PPIP5K2: variants seen among roughly 807,000 people sequenced by gnomAD.
The protein encoded by PPIP5K2 is diphosphoinositol pentakisphosphate kinase 2, also known as inositol hexakisphosphate and diphosphoinositol-pentakisphosphate kinase 2.
PPIP5K2 carries 105 observed loss-of-function variants against 154.6 expected under a neutral mutation model. The ratio of observed to expected loss-of-function variants is 0.68; its 90% CI spans 0.58 to 0.80. The LOEUF is 0.80. Among genes scored for constraint, PPIP5K2 ranks in the 30% least tolerant of loss-of-function variants. The pLI is 0.00. For synonymous variants in PPIP5K2, 480 were observed against 490.3 expected, an observed-to-expected ratio of 0.98 and a Z score of 0.28; for missense variants, 992 against 1,504.6, an observed-to-expected ratio of 0.66 and a Z score of 5.64.
At chr5:103,141,159 C>T (rs1376099194) in intron 5 of PPIP5K2, among the ~76,000 whole-genome samples, 1 of 152,128 alleles carries the variant, frequency 6.6e-6, no homozygotes, top group East Asian at 1.9e-4. Context: ...TGGTGAAACC[C>T]CGTCTTGTGT....
intron 30 of PPIP5K2, 109 bp downstream of exon 30, chr5:103,195,134 A>G: frequency 7.4e-7 from 1 of 1,359,302 alleles, no homozygotes; most frequent in South Asian, 1.5e-5. Context: ...GCACTTCCCT[A>G]GAGCGTAATG....
Position 103,202,140 on chromosome 5 carries a change from C to G in PPIP5K2, c.*506C>G, listed in dbSNP as rs1439295749. ...CCCAATTGTTACAGTGACATATATG[C>G]TGCAATATTTAACAACTGGAGTATT... On this transcript the variant is annotated 3_prime_UTR_variant, in exon 31 of 31. Transcript: ENST00000358359. 2 of 152,672 alleles carry G rather than the reference C, an allele frequency of 1.3e-5. No homozygotes were observed. The highest frequency in any genetic ancestry group is 2.9e-5 in the Non-Finnish European group (2 of 68,094). 9.5% of individuals were successfully genotyped at this position (152,672 alleles called of 1,614,324 possible).
chr5:103,132,688 G>A, intron 2 of PPIP5K2, among the ~76,000 whole-genome samples: 1 of 152,140 alleles, frequency 6.6e-6, no homozygotes, highest in East Asian at 1.9e-4. Flanking sequence ...AAGAAAAATT[G>A]AAATGAGAAC....
At chr5:103,195,125 C>A in intron 30 of PPIP5K2, 100 bp downstream of exon 30, 1 of 1,430,368 alleles carries the variant, frequency 7.0e-7, no homozygotes, top group Non-Finnish European at 9.6e-7. Context: ...AGTATCTTTG[C>A]ACTTCCCTAG....
intron 5 of PPIP5K2, 123 bp downstream of exon 5, chr5:103,138,592 ATAATC>A: frequency 1.9e-6 from 1 of 530,832 alleles, no homozygotes; most frequent in Admixed American, 3.9e-5. Flanking sequence ...ATTTTAAAAA[ATAATC>A]TAAACAGACA....
In PPIP5K2 at chr5:103,203,346, T is replaced by C. The variant is rs1185285308; in HGVS notation, c.*1712T>C. The C allele has an allele frequency of 1.3e-5, 2 of 152,190 alleles. No homozygotes were observed. The highest frequency in any genetic ancestry group is 2.9e-5 in the Non-Finnish European group (2 of 68,024). 9.4% of individuals were successfully genotyped at this position (152,190 alleles called of 1,614,324 possible). ...TTATTATTGGCTATATACATAGCAA[T>C]ATATTACTTTCCAAACTAGAAAGTA... On this transcript the variant is annotated 3_prime_UTR_variant, in exon 31 of 31. Transcript: ENST00000358359.
Position 103,204,701 on chromosome 5 carries a change from A to G in PPIP5K2, c.*3067A>G, listed in dbSNP as rs1803407011. The G allele has an allele frequency of 6.6e-6, 1 of 152,160 alleles. No homozygotes were observed. The highest frequency in any genetic ancestry group is 2.4e-5 in the African/African-American group (1 of 41,434). 9.4% of individuals were successfully genotyped at this position (152,160 alleles called of 1,614,324 possible). ...TTTCCCTCTGTACATAATCGTAGGTACCAAAATATTACTGTGTAAAGTGTT... is the reference window on the plus strand; with the variant it reads ...TTTCCCTCTGTACATAATCGTAGGTGCCAAAATATTACTGTGTAAAGTGTT... On this transcript the variant is annotated 3_prime_UTR_variant, in exon 31 of 31. Coordinates refer to ENST00000358359, the MANE Select transcript of PPIP5K2 (RefSeq NM_001276277.3).
In PPIP5K2 at chr5:103,205,935, G is replaced by A. The variant is rs1356943913; in HGVS notation, c.*4301G>A. 6.6e-6 allele frequency: 1 copy of A among 152,046 alleles called. No homozygotes were observed. Among genetic ancestry groups the A allele is most frequent in the Non-Finnish European group, 1.5e-5 (1 of 68,004 alleles). 9.4% of individuals were successfully genotyped at this position (152,046 alleles called of 1,614,324 possible). A position where few individuals can be genotyped will look rare whatever the true frequency, so the allele number is the denominator to read the frequency against. On this transcript the variant is annotated 3_prime_UTR_variant, in exon 31 of 31. Coordinates refer to ENST00000358359, the MANE Select transcript of PPIP5K2 (RefSeq NM_001276277.3). ...ACTTTGTTTTAGGTTATTTAATATA[G>A]TATATATTGGGTTTTGCTTTGTGAT...
At chr5:103,127,261 G>T (rs183572309) in intron 1 of PPIP5K2, among the ~76,000 whole-genome samples, 65 of 152,208 alleles carry the variant, frequency 4.3e-4, no homozygotes, top group Non-Finnish European at 5.6e-4. Context: ...CCTATATATT[G>T]CATTGACATA....
chr5:103,202,119 A>T lies in PPIP5K2; in HGVS notation c.*485A>T, dbSNP rs1473158504. 1.3e-5 allele frequency: 2 copies of T among 152,992 alleles called. No homozygotes were observed. Among genetic ancestry groups the T allele is most frequent in the Non-Finnish European group, 2.9e-5 (2 of 68,320 alleles). 9.5% of individuals were successfully genotyped at this position (152,992 alleles called of 1,614,324 possible). A position where few individuals can be genotyped will look rare whatever the true frequency, so the allele number is the denominator to read the frequency against. The stretch of plus-strand genomic sequence containing the variant: ...CGTTTAGATTAGAATATCTTTCCCA[A>T]TTGTTACAGTGACATATATGCTGCA... On this transcript the variant is annotated 3_prime_UTR_variant, in exon 31 of 31. Coordinates refer to ENST00000358359, the MANE Select transcript of PPIP5K2 (RefSeq NM_001276277.3).
In PPIP5K2 at chr5:103,129,313, G is replaced by T. The variant is rs1214797507; in HGVS notation, c.-277G>T. The T allele has an allele frequency of 9.9e-6, 2 of 201,426 alleles. No individual in the cohort carries two copies. Among genetic ancestry groups the T allele is most frequent in the African/African-American group, 4.6e-5 (2 of 43,268 alleles). The allele number at this position is 201,426 out of a possible 1,614,324, so 12.5% of individuals were successfully genotyped here. A position where few individuals can be genotyped will look rare whatever the true frequency, so the allele number is the denominator to read the frequency against. ...TTTTTCATTGCATTTTAGGTAAGAA[G>T]ATTGCTGTATCAACTCAAGAAAGCA... is the stretch of plus-strand genomic sequence containing the variant. On this transcript the variant is annotated 5_prime_UTR_variant, in exon 2 of 31. Coordinates refer to ENST00000358359, the MANE Select transcript of PPIP5K2 (RefSeq NM_001276277.3).
intron 19 of PPIP5K2, among the ~76,000 whole-genome samples, chr5:103,171,492 T>A (rs1797981321): frequency 6.6e-6 from 1 of 151,586 alleles, no homozygotes. Context: ...TTTTAATCAG[T>A]TCTATTTGTG....
chr5:103,124,278 C>CAA (rs71226931), intron 1 of PPIP5K2, among the ~76,000 whole-genome samples: 11,902 of 126,728 alleles, frequency 0.094, 933 homozygotes, highest in African/African-American at 0.21. Context: ...GACTCCATCT[C>CAA]AAAAAAAAAA....
chr5:103,139,151 A>G (rs1332507192), intron 5 of PPIP5K2, among the ~76,000 whole-genome samples: 1 of 152,238 alleles, frequency 6.6e-6, no homozygotes, highest in African/African-American at 2.4e-5. Flanking sequence ...AAAACATAGC[A>G]TGGAAGCTAT....
At chr5:103,191,053 A>T (rs1554226801) in intron 29 of PPIP5K2, 71 bp downstream of exon 29, 1 of 1,428,076 alleles carries the variant, frequency 7.0e-7, no homozygotes, top group Non-Finnish European at 9.6e-7. Flanking sequence ...TATAACAGGA[A>T]TTATAACAAC....
chr5:103,172,298 T>C (rs1416241783), intron 19 of PPIP5K2, among the ~76,000 whole-genome samples: 2 of 151,536 alleles, frequency 1.3e-5, no homozygotes, highest in East Asian at 3.9e-4. Context: ...CCTAGGTCTT[T>C]CATCTGTAAT....
intron 19 of PPIP5K2, among the ~76,000 whole-genome samples, 184 bp downstream of exon 19, chr5:103,168,479 T>A (rs1202007581): frequency 2.0e-5 from 3 of 151,918 alleles, no homozygotes; most frequent in Non-Finnish European, 4.4e-5. Context: ...CATTATTTGA[T>A]TTTCTAATAG....
chr5:103,159,708 T>A (rs545520591), intron 17 of PPIP5K2, among the ~76,000 whole-genome samples: 2 of 152,190 alleles, frequency 1.3e-5, no homozygotes, highest in Non-Finnish European at 2.9e-5. Flanking sequence ...TTTTAAAATA[T>A]ATATGCATTG....
intron 19 of PPIP5K2, among the ~76,000 whole-genome samples, chr5:103,169,231 A>G (rs868958449): frequency 1.3e-5 from 2 of 151,856 alleles, no homozygotes; most frequent in Middle Eastern, 3.2e-3. Flanking sequence ...AAAGTTCCAG[A>G]TGTCACTTTT....
Sources: gnomAD v4.1 joint callset for allele counts (sites outside exome capture counted in the v4.1 genomes callset) on GRCh38, gnomAD v4.1.1 for gene constraint, MANE v1.5 for transcripts, NCBI Gene and HGNC (gene_info 2026-07-23, HGNC 2026-07-21) for gene names.